Variants in MYO1H observed in about 807,000 individuals in gnomAD.
MYO1H encodes unconventional myosin-Ih.
A neutral mutation model predicts 149.3 loss-of-function variants in MYO1H; 118 were observed. The observed-to-expected ratio is 0.79, with a 90% CI of 0.68 to 0.92. The LOEUF is 0.92. Among genes scored for constraint, MYO1H ranks in the 40% least tolerant of loss-of-function variants. MYO1H has a pLI of 0.00. For synonymous variants in MYO1H, 447 were observed against 465.2 expected (o/e 0.96, Z 0.50); for missense variants, 1,212 against 1,280.7 (o/e 0.95, Z 0.82).
At chr12:109,326,231 C>T in the MYO1H span, among the ~76,000 whole-genome samples, 1 of 152,176 alleles carries the variant, frequency 6.6e-6, no homozygotes, top group Non-Finnish European at 1.5e-5. Context: ...GTCCAGTTGC[C>T]CAGGGCCCCA....
intron 16 of MYO1H, among the ~76,000 whole-genome samples, chr12:109,424,320 C>G (rs552685691): frequency 4.5e-4 from 69 of 152,268 alleles, no homozygotes; most frequent in African/African-American, 1.6e-3. Context: ...ACCACCACAC[C>G]TGGCTAACTT....
chr12:109,319,512 T>C, the MYO1H span, among the ~76,000 whole-genome samples: 1 of 152,228 alleles, frequency 6.6e-6, no homozygotes, highest in Admixed American at 6.5e-5. Context: ...ACAAGGTGAA[T>C]GTAACACTAA....
the MYO1H span, among the ~76,000 whole-genome samples, chr12:109,338,033 A>G: frequency 1.4e-5 from 2 of 146,446 alleles, no homozygotes; most frequent in African/African-American, 2.5e-5. Flanking sequence ...AAGAAAAAAA[A>G]GGGGAAATGT....
chr12:109,357,160 C>T (rs1868625420), intron 1 of MYO1H: 2 of 152,088 alleles, frequency 1.3e-5, no homozygotes, highest in Admixed American at 6.6e-5. Flanking sequence ...ATTTCTGGTT[C>T]GTGTTTAGTG....
At chr12:109,345,353 G>T (rs2048099472), upstream of MYO1H, among the ~76,000 whole-genome samples, 1 of 152,166 alleles carries the variant, frequency 6.6e-6, no homozygotes, top group Admixed American at 6.5e-5. Context: ...CACATGAAAA[G>T]ATGCTTAGCA....
the MYO1H span, among the ~76,000 whole-genome samples, chr12:109,319,804 A>G: frequency 6.6e-6 from 1 of 152,220 alleles, no homozygotes; most frequent in East Asian, 1.9e-4. Context: ...TGCCCACATC[A>G]TAACGAGCAA....
At chr12:109,370,106 T>A (rs764368290) in intron 1 of MYO1H, among the ~76,000 whole-genome samples, 1 of 152,116 alleles carries the variant, frequency 6.6e-6, no homozygotes, top group Non-Finnish European at 1.5e-5. Flanking sequence ...CACATGGGAA[T>A]TGTGGGAGCT....
At chr12:109,334,853 A>G in the MYO1H span, among the ~76,000 whole-genome samples, 4 of 152,206 alleles carry the variant, frequency 2.6e-5, no homozygotes, top group South Asian at 8.3e-4. Flanking sequence ...AGGTTTTAGT[A>G]TATTCACAAA....
the MYO1H span, among the ~76,000 whole-genome samples, chr12:109,325,396 G>A: frequency 6.6e-6 from 1 of 152,168 alleles, no homozygotes; most frequent in Non-Finnish European, 1.5e-5. Flanking sequence ...GCAGAAAACT[G>A]AAACTGGAAC....
the MYO1H span, among the ~76,000 whole-genome samples, chr12:109,335,440 C>T: frequency 6.6e-6 from 1 of 152,214 alleles, no homozygotes; most frequent in South Asian, 2.1e-4. Flanking sequence ...TCCCACCAGG[C>T]CCCACCCCCA....
the MYO1H span, among the ~76,000 whole-genome samples, chr12:109,333,975 T>G: frequency 6.6e-6 from 1 of 152,050 alleles, no homozygotes; most frequent in African/African-American, 2.4e-5. Context: ...TACTTATTAT[T>G]TATTTGCTTA....
chr12:109,321,735 C>T, the MYO1H span, among the ~76,000 whole-genome samples: 1 of 152,114 alleles, frequency 6.6e-6, no homozygotes, highest in Non-Finnish European at 1.5e-5. Flanking sequence ...CAACAGAATA[C>T]CACTTTATAT....
upstream of MYO1H, among the ~76,000 whole-genome samples, chr12:109,345,723 G>A (rs969477765): frequency 6.6e-6 from 1 of 152,132 alleles, no homozygotes; most frequent in Admixed American, 6.5e-5. Context: ...TCAACTGATG[G>A]ATAAACAAAA....
chr12:109,438,805 A>G (rs1871981993), intron 23 of MYO1H, among the ~76,000 whole-genome samples, 185 bp downstream of exon 23: 1 of 152,216 alleles, frequency 6.6e-6, no homozygotes, highest in Non-Finnish European at 1.5e-5. Context: ...TGGTGATCAC[A>G]ACTCAATGTA....
rs764892864 is a variant in MYO1H, at chr12:109,401,141, C to T, written c.619C>T (p.Arg207Ter). 3.1e-6 allele frequency: 5 copies of T among 1,613,764 alleles called. No individual in the cohort carries two copies. Among genetic ancestry groups the T allele is most frequent in the Non-Finnish European group, 4.2e-6 (5 of 1,179,852 alleles). The change falls in exon 6 of 32, where the codon CGA (arginine) becomes TGA (stop). Residue 207 changes from arginine to a stop codon, truncating the protein, a stop_gained. Coordinates refer to ENST00000310903, the Ensembl canonical transcript of MYO1H. LOFTEE classifies it high-confidence loss of function. ...CATCAGTTACTTGATAGAGAAGTCC[C>T]GAGTTGTCTACCAAAACGAAGGCGA...
At chr12:109,344,253 T>C (rs1592774610), upstream of MYO1H, among the ~76,000 whole-genome samples, 1 of 152,182 alleles carries the variant, frequency 6.6e-6, no homozygotes, top group East Asian at 1.9e-4. Context: ...CTCAAAAATA[T>C]GACACCAAGA....
chr12:109,420,949 G>A, intron 15 of MYO1H, 32 bp from the exon 16 acceptor site: 1 of 1,259,666 alleles, frequency 7.9e-7, no homozygotes, highest in Non-Finnish European at 1.2e-6. Flanking sequence ...CAGAGACATT[G>A]ATTCAAAAAA....
the MYO1H span, among the ~76,000 whole-genome samples, chr12:109,311,094 A>C: frequency 2.0e-5 from 3 of 152,244 alleles, no homozygotes; most frequent in Admixed American, 6.5e-5. Context: ...TTGTGAGGTC[A>C]CAGTCATTTT....
At position 109,406,864 on chromosome 12, in the gene MYO1H, A is replaced by C; in HGVS notation, c.1035+4A>C. On this transcript the variant is annotated splice_donor_region_variant and intron_variant, in intron 9 of 31. Transcript: ENST00000310903. ...AATTGAAGCCAAAACTGAGGAGGTA[A>C]AAATGGCTATAGGTGGAAATGTGCC... 1 of 1,613,512 alleles carries C rather than the reference A, an allele frequency of 6.2e-7. No individual in the cohort carries two copies. Among genetic ancestry groups the C allele is most frequent in the African/African-American group, 1.3e-5 (1 of 75,018 alleles).
Sources: gnomAD v4.1 joint callset for allele counts (sites outside exome capture counted in the v4.1 genomes callset) on GRCh38, gnomAD v4.1.1 for gene constraint, MANE v1.5 for transcripts, NCBI Gene and HGNC (gene_info 2026-07-23, HGNC 2026-07-21) for gene names.